Variants in SIPA1L2 observed in about 807,000 individuals in gnomAD.
SIPA1L2 encodes the protein signal-induced proliferation-associated 1-like protein 2.
SIPA1L2 carries 56 observed loss-of-function variants against 163.9 expected under a neutral mutation model. The ratio of observed to expected loss-of-function variants is 0.34; its 90% CI spans 0.28 to 0.43. The LOEUF (loss-of-function observed/expected upper bound fraction) is 0.43, where lower values mean the gene tolerates loss of function less well. Ranked by LOEUF, SIPA1L2 falls within the 20% of genes least tolerant of loss-of-function variation. SIPA1L2 has a pLI of 1.00. For missense variants in SIPA1L2, 1,974 were observed against 2,193.5 expected (o/e 0.90, Z 2.00); for synonymous variants, 877 against 865.7 (o/e 1.01, Z -0.23).
At chr1:232,520,327 C>T (rs553731351) in intron 2 of SIPA1L2, among the ~76,000 whole-genome samples, 120 of 152,286 alleles carry the variant, frequency 7.9e-4, no homozygotes, top group African/African-American at 2.7e-3. Flanking sequence ...GTGGGGTGCC[C>T]CCAAGTGAGG....
At chr1:232,508,948 C>T (rs1188781229) in intron 3 of SIPA1L2, among the ~76,000 whole-genome samples, 1 of 152,110 alleles carries the variant, frequency 6.6e-6, no homozygotes, top group African/African-American at 2.4e-5. Flanking sequence ...AAAAATTAGC[C>T]GGGCGTGGTG....
In SIPA1L2 at chr1:232,467,331, C is replaced by T. The variant is rs1664574948; in HGVS notation, c.2244-1915G>A. On this transcript the variant is annotated intron_variant, in intron 8 of 22. Transcript: ENST00000674635. ...AGGGTATGTGTGTGTGGGAACTTGA[C>T]TTACGGGCTTAAATGAAGGAAAGGT... 2.0e-5 allele frequency among the ~76,000 whole-genome samples: 3 copies of T among 152,142 alleles called. No individual in the cohort carries two copies. In the South Asian group the frequency reaches 6.2e-4, roughly 32 times the overall value.
In SIPA1L2 at chr1:232,574,193, G is replaced by A. The variant is rs554421701; in HGVS notation, c.-289C>T. ...GCTTACCTGAGTGGGGAAGAGCAGCGGGCTCCTGCTCACACAGCCTGGCAA... is the reference window on the plus strand; with the variant it reads ...GCTTACCTGAGTGGGGAAGAGCAGCAGGCTCCTGCTCACACAGCCTGGCAA... On this transcript the variant is annotated 5_prime_UTR_variant, in exon 2 of 23. Coordinates refer to ENST00000674635, the MANE Select transcript of SIPA1L2 (RefSeq NM_020808.5). Among the ~76,000 whole-genome samples the A allele has an allele frequency of 2.4e-4, 36 of 152,272 alleles. No homozygotes were observed. Among genetic ancestry groups the A allele is most frequent in the African/African-American group, 7.7e-4 (32 of 41,556 alleles).
chr1:232,512,312 C>T (rs867235909), intron 3 of SIPA1L2, among the ~76,000 whole-genome samples: 1 of 152,068 alleles, frequency 6.6e-6, no homozygotes, highest in African/African-American at 2.4e-5. Flanking sequence ...GACAGTGTGG[C>T]GATTCCTCAA....
At chr1:232,455,976 G>A (rs762319932) in intron 10 of SIPA1L2, among the ~76,000 whole-genome samples, 20 of 152,084 alleles carry the variant, frequency 1.3e-4, no homozygotes, top group Non-Finnish European at 2.8e-4. Flanking sequence ...GAAGGGTGAG[G>A]ATGGAAAAAC....
intron 2 of SIPA1L2, among the ~76,000 whole-genome samples, chr1:232,560,522 G>A (rs544652370): frequency 3.8e-4 from 58 of 152,288 alleles, no homozygotes; most frequent in African/African-American, 1.3e-3. Context: ...ATATAGGAAC[G>A]TTTCCCAGTG....
intron 1 of SIPA1L2, among the ~76,000 whole-genome samples, chr1:232,578,175 T>C (rs772066845): frequency 2.0e-5 from 3 of 152,188 alleles, no homozygotes; most frequent in Admixed American, 1.3e-4. Flanking sequence ...ATTTTTAAAT[T>C]AAGGTTTGCA....
chr1:232,585,813 A>C (rs943383965), intron 1 of SIPA1L2, among the ~76,000 whole-genome samples: 3 of 152,222 alleles, frequency 2.0e-5, no homozygotes, highest in African/African-American at 4.8e-5. Flanking sequence ...CAACAGCAGA[A>C]AGTCAAGATG....
Position 232,445,717 on chromosome 1 carries a change from C to T in SIPA1L2, c.3165G>A (p.Glu1055=), listed in dbSNP as rs1663176132. Residue 1055 remains glutamate, a synonymous_variant, in exon 11 of 23, where the codon GAG becomes GAA. Coordinates refer to ENST00000674635, the MANE Select transcript of SIPA1L2 (RefSeq NM_020808.5). ...TGTTCCTCCTGAAGGGGGTTTTATACTCGCAGGGGGTGCCCTCGCTGTCGA... is the reference window on the plus strand; with the variant it reads ...TGTTCCTCCTGAAGGGGGTTTTATATTCGCAGGGGGTGCCCTCGCTGTCGA... ...YKLDSEGTPC[E]YKTPFRRNTT... is the part of the protein sequence containing the mutation. 6.2e-7 allele frequency: 1 copy of T among 1,613,720 alleles called. No individual in the cohort carries two copies. The highest frequency in any genetic ancestry group is 8.5e-7 in the Non-Finnish European group (1 of 1,179,904).
chr1:232,504,018 C>T (rs995275208), intron 3 of SIPA1L2, among the ~76,000 whole-genome samples: 7 of 152,016 alleles, frequency 4.6e-5, no homozygotes, highest in South Asian at 4.1e-4. Context: ...CTGCAAGGCC[C>T]AGTCTCTACA....
chr1:232,462,138 T>C (rs1664271284), intron 9 of SIPA1L2: 1 of 1,199,562 alleles, frequency 8.3e-7, no homozygotes, highest in Non-Finnish European at 1.2e-6. Context: ...AATGGTGGAT[T>C]GCATCCCACT....
At chr1:232,577,631 A>G (rs1306933537) in intron 1 of SIPA1L2, among the ~76,000 whole-genome samples, 7 of 152,192 alleles carry the variant, frequency 4.6e-5, no homozygotes, top group Non-Finnish European at 1.0e-4. Flanking sequence ...AACAATTAAC[A>G]GGAGTTTGGA....
At chr1:232,478,297 C>T (rs1458808497) in intron 7 of SIPA1L2, among the ~76,000 whole-genome samples, 1 of 152,008 alleles carries the variant, frequency 6.6e-6, no homozygotes, top group Non-Finnish European at 1.5e-5. Flanking sequence ...TCAGAAAGGA[C>T]AAGGGATTGA....
intron 2 of SIPA1L2, among the ~76,000 whole-genome samples, chr1:232,539,773 G>A (rs949290439): frequency 5.9e-5 from 9 of 152,238 alleles, no homozygotes; most frequent in African/African-American, 1.9e-4. Context: ...CGAGTCTGAC[G>A]ACAGCCCTCT....
chr1:232,616,254 A>C (rs1415610554), intron 1 of SIPA1L2, among the ~76,000 whole-genome samples: 7 of 152,244 alleles, frequency 4.6e-5, no homozygotes. Context: ...AAGAGTTCTA[A>C]CATCCAGCAT....
chr1:232,425,182 G>A (rs1054959712), intron 18 of SIPA1L2, among the ~76,000 whole-genome samples: 7 of 152,012 alleles, frequency 4.6e-5, no homozygotes, highest in African/African-American at 1.7e-4. Context: ...ACTGCACGAA[G>A]AAACTGAAGG....
rs575052180 is a variant in SIPA1L2 at position 232,613,998 on chromosome 1, T to C, written c.-319+15871A>G. ...ACTTATCTGAGGATTATTAGTATAT[T>C]TGCAATTTCTTTGGCATCTCCTCCC... On this transcript the variant is annotated intron_variant, in intron 1 of 22. Transcript: ENST00000674635. Among the ~76,000 whole-genome samples, 127 of 152,222 alleles carry C rather than the reference T, an allele frequency of 8.3e-4. 1 individual carries two copies. The highest frequency in any genetic ancestry group is 2.9e-3 in the African/African-American group (121 of 41,522).
chr1:232,479,351 A>G (rs561706573), intron 7 of SIPA1L2, among the ~76,000 whole-genome samples: 76 of 152,332 alleles, frequency 5.0e-4, no homozygotes, highest in African/African-American at 1.7e-3. Context: ...CGTAATTAAC[A>G]TATAGTTGAG....
intron 8 of SIPA1L2, among the ~76,000 whole-genome samples, chr1:232,470,951 T>C (rs915223997): frequency 1.3e-5 from 2 of 152,200 alleles, no homozygotes; most frequent in South Asian, 4.1e-4. Flanking sequence ...AAGGCACGCA[T>C]GTGGCCTTTT....
Sources: allele counts gnomAD v4.1 joint callset (sites outside exome capture counted in the v4.1 genomes callset), GRCh38; gene constraint gnomAD v4.1.1; transcripts MANE v1.5; gene names NCBI Gene and HGNC (gene_info 2026-07-23, HGNC 2026-07-21).